Variants in DPYD observed in about 807,000 individuals in gnomAD.
DPYD encodes the protein dihydropyrimidine dehydrogenase, also known as dihydropyrimidine dehydrogenase [NADP(+)].
In DPYD, 109 loss-of-function variants were observed where a neutral mutation model predicts 116.2. That is an observed-to-expected ratio of 0.94 (90% CI 0.80 to 1.10). DPYD has a LOEUF of 1.10. Ranked by LOEUF, DPYD falls within the 50% of genes least tolerant of loss-of-function variation. The pLI is 0.00. For synonymous variants in DPYD, 440 were observed against 432.0 expected, an observed-to-expected ratio of 1.02 and a Z score of -0.23; for missense variants, 1,302 against 1,254.5, an observed-to-expected ratio of 1.04 and a Z score of -0.57.
At chr1:97,671,161 G>A (rs372948155) in intron 8 of DPYD, among the ~76,000 whole-genome samples, 13 of 151,688 alleles carry the variant, frequency 8.6e-5, no homozygotes, top group South Asian at 4.2e-4. Flanking sequence ...ACAATAATAC[G>A]GAAGACATCA....
intron 18 of DPYD, among the ~76,000 whole-genome samples, chr1:97,288,418 C>G (rs1404984053): frequency 6.6e-6 from 1 of 151,880 alleles, no homozygotes; most frequent in South Asian, 2.1e-4. Flanking sequence ...TATTCCAAAA[C>G]TGACCACATA....
Position 97,206,638 on chromosome 1 carries a change from TTATATATATATATATATATATATATATA to T in DPYD, c.2443-13418_2443-13391del, listed in dbSNP as rs57893705. ...GCTTTCATGTGAAAACAGGGAGATT[TTATATATATATATATATATATATATATA>T]TATATATATATATATATATATAATC... On this transcript the variant is annotated intron_variant, in intron 19 of 22. Coordinates refer to ENST00000370192, the MANE Select transcript of DPYD (RefSeq NM_000110.4). Among the ~76,000 whole-genome samples the T allele has an allele frequency of 6.8e-3, 332 of 48,996 alleles. 13 individuals carry two copies. The highest frequency in any genetic ancestry group is 0.014 in the Middle Eastern group (1 of 70). 32.1% of individuals were successfully genotyped at this position (48,996 alleles called of 152,430 possible).
At position 97,718,115 on chromosome 1, in the gene DPYD, T is replaced by A. The variant is rs141922212; in HGVS notation, c.483+3395A>T. Reference sequence around the variant, plus strand: ...GTGAAAGTATTCCCTTTTCAACACATCCATGCCAACATCTATTATTTTTTG... The same window carrying A: ...GTGAAAGTATTCCCTTTTCAACACAACCATGCCAACATCTATTATTTTTTG... On this transcript the variant is annotated intron_variant, in intron 5 of 22. Coordinates refer to ENST00000370192, the MANE Select transcript of DPYD (RefSeq NM_000110.4). Among the ~76,000 whole-genome samples, 434 of 152,126 alleles carry A rather than the reference T, an allele frequency of 2.9e-3. 2 individuals carry two copies. The highest frequency in any genetic ancestry group is 0.01 in the African/African-American group (420 of 41,528).
At chr1:97,323,550 CATATATGTGTATAT>C (rs1558030715) in intron 16 of DPYD, among the ~76,000 whole-genome samples, 3 of 77,332 alleles carry the variant, frequency 3.9e-5, no homozygotes, top group African/African-American at 1.2e-4. Flanking sequence ...CATATATATA[CATATATGTGTATAT>C]ATACACGTAT....
At chr1:97,716,315 G>A (rs1011030966) in intron 5 of DPYD, among the ~76,000 whole-genome samples, 3 of 151,890 alleles carry the variant, frequency 2.0e-5, no homozygotes, top group Non-Finnish European at 4.4e-5. Flanking sequence ...CATAAGAATA[G>A]TTAACAAAAT....
chr1:97,764,339 A>C (rs900334747), intron 3 of DPYD, among the ~76,000 whole-genome samples: 9 of 152,086 alleles, frequency 5.9e-5, no homozygotes, highest in African/African-American at 2.2e-4. Context: ...CCCAACACAG[A>C]GATTTTTAAT....
At chr1:97,400,977 G>C (rs1179743068) in intron 14 of DPYD, among the ~76,000 whole-genome samples, 7 of 152,032 alleles carry the variant, frequency 4.6e-5, no homozygotes, top group Admixed American at 3.9e-4. Context: ...TCAGAATTTG[G>C]TGTTGTCAGT....
At chr1:97,217,377 G>A (rs1184057803) in intron 19 of DPYD, among the ~76,000 whole-genome samples, 3 of 152,180 alleles carry the variant, frequency 2.0e-5, no homozygotes, top group Non-Finnish European at 4.4e-5. Context: ...GAAATCACCT[G>A]AAATGGAGAG....
intron 13 of DPYD, among the ~76,000 whole-genome samples, chr1:97,463,925 CAG>C (rs1283052805): frequency 6.6e-6 from 1 of 152,058 alleles, no homozygotes; most frequent in Non-Finnish European, 1.5e-5. Flanking sequence ...AAAAGAAAAA[CAG>C]AGCATAAAAG....
chr1:97,806,063 C>T (rs551910680), intron 3 of DPYD, among the ~76,000 whole-genome samples: 8 of 151,910 alleles, frequency 5.3e-5, no homozygotes, highest in Non-Finnish European at 1.0e-4. Flanking sequence ...TACTGAAGAG[C>T]TAGATAAATC....
At chr1:97,723,110 A>T (rs1306752062) in intron 4 of DPYD, among the ~76,000 whole-genome samples, 1 of 151,638 alleles carries the variant, frequency 6.6e-6, no homozygotes, top group Non-Finnish European at 1.5e-5. Flanking sequence ...GAAGTAAATG[A>T]ACATTTTAAA....
chr1:97,852,308 G>A (rs1670613502), intron 2 of DPYD, among the ~76,000 whole-genome samples: 1 of 151,960 alleles, frequency 6.6e-6, no homozygotes, highest in South Asian at 2.1e-4. Context: ...CAGACCTAAG[G>A]AGTCACATAC....
At chr1:97,905,188 T>C (rs921229222) in intron 1 of DPYD, among the ~76,000 whole-genome samples, 3 of 152,012 alleles carry the variant, frequency 2.0e-5, no homozygotes, top group African/African-American at 4.8e-5. Context: ...AATTACCCAA[T>C]ATGCACCTCT....
chr1:97,527,644 G>A (rs980185638), intron 12 of DPYD, among the ~76,000 whole-genome samples: 1 of 151,692 alleles, frequency 6.6e-6, no homozygotes, highest in Non-Finnish European at 1.5e-5. Flanking sequence ...TTTACCACTG[G>A]TTTCCTCTGT....
chr1:97,225,948 G>C (rs540563077), intron 19 of DPYD, among the ~76,000 whole-genome samples: 1 of 152,038 alleles, frequency 6.6e-6, no homozygotes, highest in Admixed American at 6.6e-5. Context: ...AGGAAAAAAA[G>C]TATAGGCCGT....
chr1:97,575,233 C>CTT (rs1653189065), intron 10 of DPYD, among the ~76,000 whole-genome samples: 1 of 152,126 alleles, frequency 6.6e-6, no homozygotes, highest in Non-Finnish European at 1.5e-5. Context: ...TGGCTCAGCA[C>CTT]TTGTTCTCTA....
At chr1:97,244,476 C>A (rs962960783) in intron 18 of DPYD, among the ~76,000 whole-genome samples, 2 of 151,704 alleles carry the variant, frequency 1.3e-5, no homozygotes, top group African/African-American at 2.4e-5. Flanking sequence ...AAATCCAGTG[C>A]GCAGAGAGGT....
intron 18 of DPYD, among the ~76,000 whole-genome samples, chr1:97,278,922 T>C (rs1056313133): frequency 1.1e-5 from 1 of 88,178 alleles, no homozygotes; most frequent in African/African-American, 3.8e-5. Context: ...TTCGTAAAAA[T>C]TTTTTTTTTC....
chr1:97,216,723 A>G (rs920193545), intron 19 of DPYD, among the ~76,000 whole-genome samples: 2 of 152,126 alleles, frequency 1.3e-5, no homozygotes, highest in African/African-American at 4.8e-5. Context: ...TGAACCTGGG[A>G]GGCAGAGGTT....
Sources: allele counts gnomAD v4.1 joint callset (sites outside exome capture counted in the v4.1 genomes callset), GRCh38; gene constraint gnomAD v4.1.1; transcripts MANE v1.5; gene names NCBI Gene and HGNC (gene_info 2026-07-23, HGNC 2026-07-21).